The following DCUN1D4 variants were observed in gnomAD, a reference collection of about 807,000 sequenced individuals.
DCUN1D4 encodes defective in cullin neddylation 1 domain containing 4.
DCUN1D4 carries 22 observed loss-of-function variants against 47.9 expected under a neutral mutation model. The ratio of observed to expected loss-of-function variants is 0.46; its 90% CI spans 0.33 to 0.66. The LOEUF (loss-of-function observed/expected upper bound fraction) is 0.66. DCUN1D4 is among the 30% of genes least tolerant of loss of function. The pLI, the probability that DCUN1D4 is intolerant of heterozygous loss-of-function variation, is 0.02. For missense variants in DCUN1D4, 301 were observed against 340.8 expected (o/e 0.88, Z 0.92); for synonymous variants, 121 against 112.2 (o/e 1.08, Z -0.50).
At chr4:51,901,221 C>T (rs1275267983) in intron 8 of DCUN1D4, among the ~76,000 whole-genome samples, 1 of 152,132 alleles carries the variant, frequency 6.6e-6, no homozygotes, top group African/African-American at 2.4e-5. Flanking sequence ...TTATATCGAC[C>T]CAGCACTTCC....
chr4:51,851,457 G>A (rs1723347124), intron 1 of DCUN1D4, among the ~76,000 whole-genome samples: 2 of 152,090 alleles, frequency 1.3e-5, no homozygotes, highest in Non-Finnish European at 2.9e-5. Context: ...CAAGCCCAGC[G>A]ACAACATGGC....
chr4:51,844,286 A>G (rs1442908171), intron 1 of DCUN1D4: 15 of 929,146 alleles, frequency 1.6e-5, no homozygotes, highest in African/African-American at 2.3e-5. Context: ...TGAAGGGGGG[A>G]GTCCAAGCTT....
intron 5 of DCUN1D4, among the ~76,000 whole-genome samples, chr4:51,883,221 C>T (rs941724347): frequency 3.3e-5 from 5 of 152,122 alleles, no homozygotes; most frequent in South Asian, 2.1e-4. Flanking sequence ...AACCCATGTG[C>T]GTAGGTGAAC....
In DCUN1D4 at chr4:51,876,659, G is replaced by A. The variant is rs557460877; in HGVS notation, c.252-1104G>A. Among the ~76,000 whole-genome samples the A allele has an allele frequency of 3.3e-5, 5 of 152,110 alleles. No individual in the cohort carries two copies. In the South Asian group the frequency reaches 8.3e-4, roughly 25 times the overall value. On this transcript the variant is annotated intron_variant, in intron 4 of 10. Coordinates refer to ENST00000334635, the MANE Select transcript of DCUN1D4 (RefSeq NM_001040402.3). ...TCTGTGGATTTTTTTCAGCCGAACAGAGATGGAAAATATACTATTGAGGGA... is the reference window on the plus strand; with the variant it reads ...TCTGTGGATTTTTTTCAGCCGAACAAAGATGGAAAATATACTATTGAGGGA...
intron 3 of DCUN1D4, among the ~76,000 whole-genome samples, chr4:51,869,760 T>C (rs1393629452): frequency 6.6e-6 from 1 of 152,202 alleles, no homozygotes; most frequent in African/African-American, 2.4e-5. Flanking sequence ...AAATGGACTT[T>C]CTGTCATAAA....
chr4:51,861,972 T>G (rs1725138975), intron 1 of DCUN1D4, among the ~76,000 whole-genome samples: 1 of 152,222 alleles, frequency 6.6e-6, no homozygotes, highest in Non-Finnish European at 1.5e-5. Flanking sequence ...TACACATACT[T>G]TTCTAAACCT....
At chr4:51,851,800 GTTA>G (rs1194399886) in intron 1 of DCUN1D4, among the ~76,000 whole-genome samples, 3 of 152,202 alleles carry the variant, frequency 2.0e-5, no homozygotes, top group Non-Finnish European at 4.4e-5. Flanking sequence ...GTTAGGGACT[GTTA>G]TTATCTCTGT....
At chr4:51,844,830 G>T (rs941204579) in intron 1 of DCUN1D4, 2 of 985,256 alleles carry the variant, frequency 2.0e-6, no homozygotes, top group Non-Finnish European at 2.4e-6. Context: ...GTGCACGTGG[G>T]TAACTGTGGA....
At chr4:51,852,460 A>G (rs1723514175) in intron 1 of DCUN1D4, among the ~76,000 whole-genome samples, 1 of 152,166 alleles carries the variant, frequency 6.6e-6, no homozygotes, top group Admixed American at 6.5e-5. Context: ...CTTGTCCTAC[A>G]TATGCAATTC....
intron 3 of DCUN1D4, among the ~76,000 whole-genome samples, chr4:51,867,786 G>T (rs1726199288): frequency 6.6e-6 from 1 of 152,230 alleles, no homozygotes; most frequent in South Asian, 2.1e-4. Context: ...CAGCCTCCAG[G>T]CCTCAGGCCA....
chr4:51,846,095 CT>C (rs1722506648), intron 1 of DCUN1D4, among the ~76,000 whole-genome samples: 1 of 152,098 alleles, frequency 6.6e-6, no homozygotes, highest in Admixed American at 6.5e-5. Flanking sequence ...TTCTCTTTTT[CT>C]TTTGTTCTAT....
In DCUN1D4 at chr4:51,915,937, G is replaced by A. The variant is rs1734282057; in HGVS notation, c.*2353G>A. Reference sequence around the variant, plus strand: ...AAAAATAAACCTCTTTGACTGCTGAGCGGCAGAGTGCTTACCCTTGATTGT... The same window carrying A: ...AAAAATAAACCTCTTTGACTGCTGAACGGCAGAGTGCTTACCCTTGATTGT... On this transcript the variant is annotated 3_prime_UTR_variant, in exon 11 of 11. Transcript: ENST00000334635. 1.3e-5 allele frequency: 2 copies of A among 152,364 alleles called. No individual in the cohort carries two copies. Among genetic ancestry groups the A allele is most frequent in the South Asian group, 2.1e-4 (1 of 4,828 alleles). The allele number at this position is 152,364 out of a possible 1,614,324, so 9.4% of individuals were successfully genotyped here.
chr4:51,861,530 G>A (rs1358070560), intron 1 of DCUN1D4, among the ~76,000 whole-genome samples: 4 of 152,192 alleles, frequency 2.6e-5, no homozygotes, highest in African/African-American at 9.7e-5. Flanking sequence ...AATTTTGGGA[G>A]TTTAATTAAC....
chr4:51,855,989 G>A (rs963048233), intron 1 of DCUN1D4, among the ~76,000 whole-genome samples: 6 of 152,198 alleles, frequency 3.9e-5, no homozygotes, highest in African/African-American at 1.4e-4. Context: ...TCAGGAGGCT[G>A]AGCCATGTGA....
upstream of DCUN1D4, among the ~76,000 whole-genome samples, chr4:51,842,644 G>A (rs542883868): frequency 6.6e-6 from 1 of 152,338 alleles, no homozygotes; most frequent in East Asian, 1.9e-4. Context: ...GACAAGTGGC[G>A]GGAGACCCGG....
At chr4:51,844,529 G>C (rs1475470734) in intron 1 of DCUN1D4, 1 of 412,146 alleles carries the variant, frequency 2.4e-6, no homozygotes, top group East Asian at 1.6e-4. Context: ...CGCCGGGGAG[G>C]TGTCGGGGTC....
intron 5 of DCUN1D4, chr4:51,884,980 C>T (rs1284725881): frequency 6.6e-6 from 1 of 151,916 alleles, no homozygotes; most frequent in African/African-American, 2.4e-5. Flanking sequence ...GTTTCTGGAC[C>T]TTAATTTTTT....
intron 5 of DCUN1D4, 91 bp from the exon 6 acceptor site, chr4:51,886,477 A>G: frequency 9.0e-7 from 1 of 1,115,672 alleles, no homozygotes; most frequent in Non-Finnish European, 1.3e-6. Flanking sequence ...ATGGCCTTTA[A>G]GTCTTACTTG....
chr4:51,838,755 T>C (rs775238171), upstream of DCUN1D4, among the ~76,000 whole-genome samples: 4 of 152,142 alleles, frequency 2.6e-5, no homozygotes, highest in Non-Finnish European at 5.9e-5. Flanking sequence ...CTGAGGTATA[T>C]AGGGGCATAT....
Sources: gnomAD v4.1 joint callset for allele counts (sites outside exome capture counted in the v4.1 genomes callset) on GRCh38, gnomAD v4.1.1 for gene constraint, MANE v1.5 for transcripts, NCBI Gene and HGNC (gene_info 2026-07-23, HGNC 2026-07-21) for gene names.